Variants in MBTPS1 observed in about 807,000 individuals in gnomAD.
MBTPS1 encodes membrane-bound transcription factor site-1 protease.
In MBTPS1, 94 loss-of-function variants were observed where a neutral mutation model predicts 127.8. The ratio of observed to expected loss-of-function variants is 0.74; its 90% CI spans 0.62 to 0.87. MBTPS1 has a LOEUF of 0.87. MBTPS1 is among the 40% of genes least tolerant of loss of function. The pLI is 0.00. For synonymous variants in MBTPS1, 632 were observed against 509.4 expected, an observed-to-expected ratio of 1.24 and a Z score of -3.24; for missense variants, 1,636 against 1,353.2, an observed-to-expected ratio of 1.21 and a Z score of -3.28.
At position 84,060,774 on chromosome 16, in the gene MBTPS1, G is replaced by A. The variant is rs376819582; in HGVS notation, c.2612C>T (p.Ser871Leu). The A allele has an allele frequency of 5.6e-6, 9 of 1,603,322 alleles. No homozygotes were observed. The highest frequency in any genetic ancestry group is 1.1e-5 in the South Asian group (1 of 89,206). Residue 871 changes from serine to leucine, a missense_variant, in exon 20 of 23, where the codon TCG (serine) becomes TTG (leucine). Coordinates refer to ENST00000343411, the MANE Select transcript of MBTPS1 (RefSeq NM_003791.4). ...WLLDALLQYT[S>L]YGVTPPSLSH... ...GAGGCTAGGCGGTGTCACCCCATAC[G>A]ATGTGTACTGGAGGAGGGCATCCAG...
At chr16:84,113,044 T>G (rs2086421364) in intron 1 of MBTPS1, among the ~76,000 whole-genome samples, 1 of 151,202 alleles carries the variant, frequency 6.6e-6, no homozygotes, top group Non-Finnish European at 1.5e-5. Context: ...TTCAAATATA[T>G]ATGCTAGATT....
intron 8 of MBTPS1, among the ~76,000 whole-genome samples, chr16:84,087,773 G>A (rs1295351143): frequency 6.6e-6 from 1 of 152,172 alleles, no homozygotes; most frequent in Non-Finnish European, 1.5e-5. Flanking sequence ...TTAAGCATCT[G>A]TACTTGCCTT....
In MBTPS1 at chr16:84,101,934, C is replaced by T; in HGVS notation, c.-151G>A. The T allele has an allele frequency of 1.5e-6, 1 of 687,396 alleles. No homozygotes were observed. Among genetic ancestry groups the T allele is most frequent in the South Asian group, 2.0e-5 (1 of 50,240 alleles). 42.6% of individuals were successfully genotyped at this position (687,396 alleles called of 1,614,324 possible). On this transcript the variant is annotated 5_prime_UTR_variant, in exon 2 of 23. Coordinates refer to ENST00000343411, the MANE Select transcript of MBTPS1 (RefSeq NM_003791.4). ...GCCCAACATAAATAAAAGTTAAATC[C>T]CATGGCCTTTTGTGGTTCAGCCTGA...
At chr16:84,077,768 G>A (rs1169349738) in intron 11 of MBTPS1, among the ~76,000 whole-genome samples, 2 of 152,100 alleles carry the variant, frequency 1.3e-5, no homozygotes, top group African/African-American at 2.4e-5. Flanking sequence ...ACAACTGCAT[G>A]GCAAAAACAC....
At chr16:84,082,250 C>T (rs1240858188) in intron 10 of MBTPS1, 3 of 159,684 alleles carry the variant, frequency 1.9e-5, no homozygotes, top group African/African-American at 7.2e-5. Context: ...CTGCTGGTCA[C>T]AGGAAGAAGA....
intron 1 of MBTPS1, among the ~76,000 whole-genome samples, chr16:84,105,942 C>A (rs1054149387): frequency 6.6e-6 from 1 of 152,004 alleles, no homozygotes; most frequent in Non-Finnish European, 1.5e-5. Context: ...GGAGACAGAC[C>A]GTAACTAAGA....
intron 17 of MBTPS1, 38 bp downstream of exon 17, chr16:84,066,451 C>T (rs1308821049): frequency 6.2e-7 from 1 of 1,604,668 alleles, no homozygotes; most frequent in South Asian, 1.1e-5. Context: ...CTTCTGCTCT[C>T]ACACCTAAGA....
At chr16:84,056,702 C>T (rs757791341) in intron 21 of MBTPS1, 7 of 152,440 alleles carry the variant, frequency 4.6e-5, no homozygotes, top group African/African-American at 1.7e-4. Flanking sequence ...AGCAGCAAAA[C>T]GTGGGGTCCC....
chr16:84,088,917 C>T (rs543423431), intron 8 of MBTPS1, among the ~76,000 whole-genome samples: 6 of 152,312 alleles, frequency 3.9e-5, no homozygotes, highest in Admixed American at 3.9e-4. Context: ...GCAGCATGAG[C>T]GTACACACAA....
intron 3 of MBTPS1, among the ~76,000 whole-genome samples, chr16:84,097,940 G>C (rs1317609599): frequency 1.3e-5 from 2 of 151,530 alleles, no homozygotes; most frequent in African/African-American, 4.9e-5. Context: ...ACAAAGAAGA[G>C]TAAAATTTTA....
At chr16:84,073,265 C>G (rs796403802) in intron 12 of MBTPS1, among the ~76,000 whole-genome samples, 2 of 152,154 alleles carry the variant, frequency 1.3e-5, no homozygotes, top group African/African-American at 4.8e-5. Context: ...TCCCGAGTAG[C>G]TGGGATTACA....
In MBTPS1 at chr16:84,085,583, A is replaced by ACC. The variant is rs1321256999; in HGVS notation, c.1135-450_1135-449insGG. Reference sequence around the variant, plus strand: ...CAGCCCCGCACCCGCCCCCCCCCCAAAAAAAAAGAGAAAAAAACAAAGAAA... The same window carrying ACC: ...CAGCCCCGCACCCGCCCCCCCCCCAACCAAAAAAAGAGAAAAAAACAAAGAAA... On this transcript the variant is annotated intron_variant, in intron 9 of 22. Coordinates refer to ENST00000343411, the MANE Select transcript of MBTPS1 (RefSeq NM_003791.4). Among the ~76,000 whole-genome samples the ACC allele has an allele frequency of 2.8e-3, 232 of 82,586 alleles. 6 individuals are homozygous for ACC. Among genetic ancestry groups the ACC allele is most frequent in the African/African-American group, 0.011 (225 of 19,808 alleles). The allele number at this position is 82,586 out of a possible 152,430, so 54.2% of individuals were successfully genotyped here.
At chr16:84,077,688 GAA>G (rs1164205900) in intron 11 of MBTPS1, among the ~76,000 whole-genome samples, 2 of 152,260 alleles carry the variant, frequency 1.3e-5, no homozygotes, top group South Asian at 4.1e-4. Context: ...CCTCAGTGCA[GAA>G]AAAGACTTTC....
chr16:84,070,911 T>C, intron 12 of MBTPS1, 135 bp from the exon 13 acceptor site: 3 of 668,714 alleles, frequency 4.5e-6, no homozygotes, highest in Non-Finnish European at 7.5e-6. Context: ...ATAAAATTTA[T>C]ACACAGATAC....
intron 13 of MBTPS1, among the ~76,000 whole-genome samples, chr16:84,070,316 G>A (rs2085751596): frequency 6.6e-6 from 1 of 152,110 alleles, no homozygotes; most frequent in African/African-American, 2.4e-5. Flanking sequence ...GTATATTTTT[G>A]GTGCACTCCT....
chr16:84,108,447 A>T (rs1055937522), intron 1 of MBTPS1, among the ~76,000 whole-genome samples: 4 of 152,160 alleles, frequency 2.6e-5, no homozygotes, highest in African/African-American at 9.7e-5. Flanking sequence ...TATTTTTAGT[A>T]GAGACAGGAT....
intron 2 of MBTPS1, 28 bp downstream of exon 2, chr16:84,101,593 T>A (rs769860107): frequency 1.3e-6 from 2 of 1,547,428 alleles, no homozygotes; most frequent in Non-Finnish European, 1.8e-6. Flanking sequence ...AGGATGGGAG[T>A]TCCTAATACT....
rs980292999 is a variant in MBTPS1, at chr16:84,074,724, A to G, written c.1466T>C (p.Ile489Thr). The part of the protein sequence containing the change: ...KPQASLSPSY[I>T]DLTECPYMWP... ...CATGTAGGGACACTCAGTCAGATCT[A>G]TGTAGCTGGGGCTCAAACTGAAATA... The change falls in exon 12 of 23, where the codon ATA becomes ACA. Residue 489 changes from isoleucine to threonine, a missense_variant. Ile to Thr is a moderately conservative substitution (Grantham distance 89, BLOSUM62 -1). Transcript: ENST00000343411. The G allele has an allele frequency of 6.2e-7, 1 of 1,613,558 alleles. No homozygotes were observed. Among genetic ancestry groups the G allele is most frequent in the African/African-American group, 1.3e-5 (1 of 74,898 alleles).
intron 11 of MBTPS1, among the ~76,000 whole-genome samples, chr16:84,076,385 C>T (rs1293365150): frequency 1.3e-5 from 2 of 152,028 alleles, no homozygotes; most frequent in African/African-American, 2.4e-5. Flanking sequence ...TTAGGAACAA[C>T]GTAAGGATAG....
Sources: gnomAD v4.1 joint callset for allele counts (sites outside exome capture counted in the v4.1 genomes callset) on GRCh38, gnomAD v4.1.1 for gene constraint, MANE v1.5 for transcripts, NCBI Gene and HGNC (gene_info 2026-07-23, HGNC 2026-07-21) for gene names.